FERRY3: variants seen among roughly 807,000 people sequenced by gnomAD.
The protein encoded by FERRY3 is protein C12orf4.
At chr12:4,516,706 G>C in the FERRY3 span, among the ~76,000 whole-genome samples, 1 of 152,166 alleles carries the variant, frequency 6.6e-6, no homozygotes, top group African/African-American at 2.4e-5. Context: ...ACTCGGGCTT[G>C]TTAGGAGAAG....
chr12:4,489,304 T>C, the FERRY3 span: 2 of 152,710 alleles, frequency 1.3e-5, no homozygotes, highest in Non-Finnish European at 2.9e-5. Context: ...ACAAGCACAT[T>C]TGTCTTATAC....
the FERRY3 span, among the ~76,000 whole-genome samples, chr12:4,522,187 C>G: frequency 6.6e-6 from 1 of 152,186 alleles, no homozygotes; most frequent in Non-Finnish European, 1.5e-5. Flanking sequence ...ACCTTCCTCT[C>G]AGTTTTGCTG....
the FERRY3 span, among the ~76,000 whole-genome samples, chr12:4,533,376 C>T: frequency 4.8e-4 from 73 of 152,274 alleles, no homozygotes; most frequent in African/African-American, 1.4e-3. Context: ...AGTTAGTATA[C>T]TAATTCTTCC....
chr12:4,505,823 T>C, the FERRY3 span, among the ~76,000 whole-genome samples: 2 of 152,190 alleles, frequency 1.3e-5, no homozygotes, highest in Admixed American at 1.3e-4. Flanking sequence ...GCCATCTTTA[T>C]TTTTAGAATC....
At chr12:4,498,395 G>C in the FERRY3 span, among the ~76,000 whole-genome samples, 1 of 152,138 alleles carries the variant, frequency 6.6e-6, no homozygotes, top group African/African-American at 2.4e-5. Flanking sequence ...AAAAATTCCT[G>C]ATGGAACTAA....
chr12:4,509,907 T>A, the FERRY3 span, among the ~76,000 whole-genome samples: 6 of 140,440 alleles, frequency 4.3e-5, no homozygotes, highest in Non-Finnish European at 7.5e-5. Flanking sequence ...AGAATGACTT[T>A]GACGAGCTGA....
the FERRY3 span, chr12:4,489,585 G>C: frequency 2.1e-4 from 71 of 330,996 alleles, 2 homozygotes; most frequent in South Asian, 6.4e-3. Context: ...AAGAAAAAAA[G>C]AGAAATTCAT....
At chr12:4,501,535 T>C in the FERRY3 span, among the ~76,000 whole-genome samples, 1,549 of 152,176 alleles carry the variant, frequency 0.01, 26 homozygotes, top group African/African-American at 0.035. Context: ...GTCAGATCAG[T>C]GGCAGCATTA....
chr12:4,527,258 G>A, the FERRY3 span, among the ~76,000 whole-genome samples: 1 of 152,016 alleles, frequency 6.6e-6, no homozygotes, highest in South Asian at 2.1e-4. Flanking sequence ...GAAAAAGACA[G>A]ACAGAAATTC....
At chr12:4,532,767 T>C in the FERRY3 span, among the ~76,000 whole-genome samples, 1 of 152,204 alleles carries the variant, frequency 6.6e-6, no homozygotes, top group South Asian at 2.1e-4. Flanking sequence ...CTTCTTTCCC[T>C]ATGTAGCTTA....
chr12:4,497,006 C>T, the FERRY3 span, among the ~76,000 whole-genome samples: 3 of 152,082 alleles, frequency 2.0e-5, no homozygotes, highest in Non-Finnish European at 4.4e-5. Context: ...CATAAATATA[C>T]CCTGAGACCT....
At chr12:4,518,919 T>A in the FERRY3 span, 1 of 1,356,358 alleles carries the variant, frequency 7.4e-7, no homozygotes, top group African/African-American at 1.5e-5. Flanking sequence ...TTTATGTTTG[T>A]CAAAAACTTT....
chr12:4,500,359 A>G, the FERRY3 span: 2 of 1,600,290 alleles, frequency 1.2e-6, no homozygotes, highest in Admixed American at 3.3e-5. Context: ...AATAAATACA[A>G]TCATGATTAC....
At chr12:4,508,574 G>A in the FERRY3 span, among the ~76,000 whole-genome samples, 9 of 152,106 alleles carry the variant, frequency 5.9e-5, no homozygotes, top group Non-Finnish European at 7.4e-5. Context: ...GCAAAACCCC[G>A]TCTCTATTAA....
the FERRY3 span, among the ~76,000 whole-genome samples, chr12:4,505,077 C>G: frequency 6.6e-6 from 1 of 152,162 alleles, no homozygotes; most frequent in African/African-American, 2.4e-5. Context: ...TGTGCTCCAG[C>G]CTGGGCGACA....
the FERRY3 span, among the ~76,000 whole-genome samples, chr12:4,498,757 G>A: frequency 6.6e-6 from 1 of 152,194 alleles, no homozygotes; most frequent in Non-Finnish European, 1.5e-5. Context: ...GGGGATAGCA[G>A]GGATGGTTTC....
chr12:4,529,872 T>C, the FERRY3 span: 2 of 1,573,958 alleles, frequency 1.3e-6, no homozygotes, highest in Non-Finnish European at 1.7e-6. Flanking sequence ...GAAATACCTC[T>C]CTCGTAATTT....
the FERRY3 span, among the ~76,000 whole-genome samples, chr12:4,503,227 G>A: frequency 1.3e-5 from 2 of 152,262 alleles, no homozygotes; most frequent in South Asian, 2.1e-4. Flanking sequence ...GGGGGCCATG[G>A]GGCTGGCAGT....
the FERRY3 span, chr12:4,490,464 C>A: frequency 7.3e-7 from 1 of 1,363,096 alleles, no homozygotes; most frequent in Non-Finnish European, 1.0e-6. Context: ...CTAGCTGTAT[C>A]TGTGAGAAAT....
Sources: allele counts gnomAD v4.1 joint callset (sites outside exome capture counted in the v4.1 genomes callset), GRCh38; gene constraint gnomAD v4.1.1; transcripts MANE v1.5; gene names NCBI Gene and HGNC (gene_info 2026-07-23, HGNC 2026-07-21).